Variants in CNTN5 observed in about 807,000 individuals in gnomAD.
CNTN5 encodes the protein contactin-5.
In CNTN5, 77 loss-of-function variants were observed where a neutral mutation model predicts 129.1. That is an observed-to-expected ratio of 0.60 (90% CI 0.50 to 0.72). The LOEUF is 0.72. Ranked by LOEUF, CNTN5 falls within the 30% of genes least tolerant of loss-of-function variation. The pLI is 0.00. For missense variants in CNTN5, 1,478 were observed against 1,328.8 expected (o/e 1.11, Z -1.75); for synonymous variants, 509 against 465.6 (o/e 1.09, Z -1.20).
chr11:99,550,067 C>T (rs1462134538), intron 2 of CNTN5, among the ~76,000 whole-genome samples: 1 of 152,092 alleles, frequency 6.6e-6, no homozygotes, highest in Non-Finnish European at 1.5e-5. Flanking sequence ...GTAAGAAAAA[C>T]TGATCTTCAC....
chr11:99,100,025 A>G (rs185292279), intron 1 of CNTN5, among the ~76,000 whole-genome samples: 1 of 152,276 alleles, frequency 6.6e-6, no homozygotes, highest in African/African-American at 2.4e-5. Flanking sequence ...ATCGTAATTT[A>G]AAACATACTT....
intron 6 of CNTN5, among the ~76,000 whole-genome samples, chr11:99,901,318 T>C (rs998488104): frequency 2.6e-5 from 4 of 152,004 alleles, no homozygotes; most frequent in African/African-American, 9.7e-5. Context: ...TGAAATGGAG[T>C]CTCACTTTGT....
At chr11:100,337,269 G>A in intron 21 of CNTN5, 1 of 1,333,096 alleles carries the variant, frequency 7.5e-7, no homozygotes, top group East Asian at 2.3e-5. Flanking sequence ...AGAACAAAAA[G>A]AGCCTGGTAG....
chr11:99,983,917 A>G (rs1029367566), intron 8 of CNTN5, among the ~76,000 whole-genome samples: 1 of 152,152 alleles, frequency 6.6e-6, no homozygotes, highest in African/African-American at 2.4e-5. Context: ...TTTGACCAGT[A>G]AGATAATTTA....
chr11:99,456,625 C>T (rs1944505413), intron 2 of CNTN5, among the ~76,000 whole-genome samples: 1 of 151,982 alleles, frequency 6.6e-6, no homozygotes, highest in African/African-American at 2.4e-5. Flanking sequence ...TTTTCTTGGG[C>T]CTACATTTTT....
At chr11:99,729,627 G>A (rs2010803) in intron 3 of CNTN5, among the ~76,000 whole-genome samples, 94,539 of 151,594 alleles carry the variant, frequency 0.62, 30,113 homozygotes, top group East Asian at 0.84. Context: ...GTAATTCACA[G>A]TGGCGGAGAC....
intron 8 of CNTN5, among the ~76,000 whole-genome samples, chr11:99,988,721 ATTCTC>A (rs1279428091): frequency 6.6e-6 from 1 of 152,142 alleles, no homozygotes; most frequent in African/African-American, 2.4e-5. Context: ...GTTCATGACT[ATTCTC>A]TTTATGAATT....
chr11:99,768,828 A>G (rs1944846362), intron 3 of CNTN5, among the ~76,000 whole-genome samples: 1 of 152,106 alleles, frequency 6.6e-6, no homozygotes. Flanking sequence ...TGTTATTGAT[A>G]AGTAGTAATG....
chr11:99,961,216 A>AC (rs1950936162), intron 8 of CNTN5, among the ~76,000 whole-genome samples: 2 of 144,776 alleles, frequency 1.4e-5, no homozygotes, highest in Admixed American at 7.0e-5. Flanking sequence ...GAAAAAAAAA[A>AC]AAAAAAAAAC....
intron 2 of CNTN5, among the ~76,000 whole-genome samples, chr11:99,409,289 C>G (rs969797349): frequency 3.9e-5 from 6 of 152,096 alleles, no homozygotes; most frequent in African/African-American, 1.4e-4. Context: ...ACGGTGAAAC[C>G]GCATCTCTAC....
In CNTN5 at chr11:100,088,559, C is replaced by T. The variant is rs1457324849; in HGVS notation, c.1580+14265C>T. 1.3e-4 allele frequency among the ~76,000 whole-genome samples: 20 copies of T among 151,834 alleles called. No homozygotes were observed. In the East Asian group the frequency reaches 3.9e-3, roughly 30 times the overall value. ...ATAAGAAATGACAAAGGTCACATTA[C>T]AACCAATCCCACAGAAATACATAAG... On this transcript the variant is annotated intron_variant, in intron 13 of 24. Coordinates refer to ENST00000524871, the MANE Select transcript of CNTN5 (RefSeq NM_014361.4).
At chr11:99,902,809 CT>C (rs1187572210) in intron 6 of CNTN5, among the ~76,000 whole-genome samples, 6 of 151,928 alleles carry the variant, frequency 3.9e-5, no homozygotes, top group Admixed American at 6.6e-5. Flanking sequence ...CTAGTTGAGC[CT>C]AAATGAAGAT....
intron 9 of CNTN5, among the ~76,000 whole-genome samples, chr11:100,022,345 A>C (rs1305850781): frequency 6.6e-6 from 1 of 152,318 alleles, no homozygotes; most frequent in East Asian, 1.9e-4. Flanking sequence ...GTAGTTATTG[A>C]CATGGTGTGT....
At position 99,096,295 on chromosome 11, in the gene CNTN5, A is replaced by G. The variant is rs558650761; in HGVS notation, c.-210+75025A>G. Among the ~76,000 whole-genome samples, 35 of 152,012 alleles carry G rather than the reference A, an allele frequency of 2.3e-4. No homozygotes were observed. In the East Asian group the frequency reaches 3.5e-3, roughly 15 times the overall value. Reference sequence around the variant, plus strand: ...CATTTCTGTGCAATTACTTTTGGCTATGATAGAAAGTATTTGTGATGAAAA... The same window carrying G: ...CATTTCTGTGCAATTACTTTTGGCTGTGATAGAAAGTATTTGTGATGAAAA... On this transcript the variant is annotated intron_variant, in intron 1 of 24. Coordinates refer to ENST00000524871, the MANE Select transcript of CNTN5 (RefSeq NM_014361.4).
chr11:100,089,751 T>A (rs1944685622), intron 13 of CNTN5, among the ~76,000 whole-genome samples: 3 of 152,120 alleles, frequency 2.0e-5, no homozygotes, highest in Non-Finnish European at 4.4e-5. Context: ...TGCAGGGACG[T>A]TGATGGAGCT....
chr11:99,606,402 A>C (rs71474529), intron 3 of CNTN5, among the ~76,000 whole-genome samples: 16,783 of 136,844 alleles, frequency 0.12, 1,195 homozygotes, highest in Non-Finnish European at 0.17. Context: ...GATGTGAAGG[A>C]CCTCTTCAAG....
Position 99,087,635 on chromosome 11 carries a change from G to A in CNTN5, c.-210+66365G>A, listed in dbSNP as rs529748189. Among the ~76,000 whole-genome samples the A allele has an allele frequency of 5.3e-5, 8 of 152,238 alleles. No homozygotes were observed. The South Asian group carries it at 8.3e-4, about 16-fold the overall frequency. On this transcript the variant is annotated intron_variant, in intron 1 of 24. Transcript: ENST00000524871. Reference sequence around the variant, plus strand: ...ATCTCCCTAGTACTTCTTGATATCCGTTAGGACCCAGAGTATACCTTTGTC... The same window carrying A: ...ATCTCCCTAGTACTTCTTGATATCCATTAGGACCCAGAGTATACCTTTGTC...
intron 3 of CNTN5, among the ~76,000 whole-genome samples, chr11:99,561,022 AT>A (rs1948825364): frequency 6.6e-6 from 1 of 152,334 alleles, no homozygotes; most frequent in Admixed American, 6.5e-5. Context: ...CACACAAAGT[AT>A]CAACATTTCG....
At chr11:100,081,970 T>C (rs1431287219) in intron 13 of CNTN5, among the ~76,000 whole-genome samples, 1 of 152,100 alleles carries the variant, frequency 6.6e-6, no homozygotes, top group Non-Finnish European at 1.5e-5. Context: ...TTGGCAAAAA[T>C]AGGCCTATAG....
Sources: gnomAD v4.1 joint callset for allele counts (sites outside exome capture counted in the v4.1 genomes callset) on GRCh38, gnomAD v4.1.1 for gene constraint, MANE v1.5 for transcripts, NCBI Gene and HGNC (gene_info 2026-07-23, HGNC 2026-07-21) for gene names.